Variants in RAPGEF4 observed in about 807,000 individuals in gnomAD.
RAPGEF4 encodes RAP guanine-nucleotide-exchange factor (GEF) 4.
A neutral mutation model predicts 147.9 loss-of-function variants in RAPGEF4; 66 were observed. The observed-to-expected ratio is 0.45, with a 90% CI of 0.37 to 0.55. The LOEUF is 0.55. Among genes scored for constraint, RAPGEF4 ranks in the 20% least tolerant of loss-of-function variants. The pLI is 0.00. For synonymous variants in RAPGEF4, 419 were observed against 442.7 expected (o/e 0.95, Z 0.67); for missense variants, 1,071 against 1,257.3 (o/e 0.85, Z 2.24).
intron 23 of RAPGEF4, among the ~76,000 whole-genome samples, chr2:173,026,153 G>A (rs551117690): frequency 6.6e-6 from 1 of 152,298 alleles, no homozygotes; most frequent in East Asian, 1.9e-4. Flanking sequence ...TAGCACTGTG[G>A]ATGAACGTCC....
chr2:172,902,571 C>G (rs1378918442), intron 4 of RAPGEF4, among the ~76,000 whole-genome samples: 3 of 152,116 alleles, frequency 2.0e-5, no homozygotes, highest in African/African-American at 7.2e-5. Flanking sequence ...TCAGCACTGC[C>G]GTCTCTCATG....
At chr2:172,955,592 A>T (rs891089389) in intron 6 of RAPGEF4, among the ~76,000 whole-genome samples, 2 of 152,130 alleles carry the variant, frequency 1.3e-5, no homozygotes, top group Non-Finnish European at 1.5e-5. Flanking sequence ...TTTTATCAAC[A>T]CATGATTGAT....
At position 172,916,114 on chromosome 2, in the gene RAPGEF4, G is replaced by A. The variant is rs1209548759; in HGVS notation, c.445-1688G>A. Among the ~76,000 whole-genome samples, 5 of 152,172 alleles carry A rather than the reference G, an allele frequency of 3.3e-5. No homozygotes were observed. In the East Asian group the frequency reaches 9.6e-4, roughly 29 times the overall value. ...GTTCCCACTAGCAGCGACCCTGATG[G>A]TGTGCTCCACAAGACAGCAACAGAC... On this transcript the variant is annotated intron_variant, in intron 4 of 30. Transcript: ENST00000397081.
In RAPGEF4 at chr2:172,830,054, G is replaced by A. The variant is rs1256600123; in HGVS notation, c.444+15629G>A. On this transcript the variant is annotated intron_variant, in intron 4 of 30. Transcript: ENST00000397081. ...TATCAGCTTTCATTCTAATTGGATA[G>A]GGGTCTGTTATCTACCAAAAGATTA... Among the ~76,000 whole-genome samples, 4 of 152,108 alleles carry A rather than the reference G, an allele frequency of 2.6e-5. No homozygotes were observed. In the East Asian group the frequency reaches 7.7e-4, roughly 29 times the overall value.
At chr2:173,025,402 G>C (rs1696561644) in intron 23 of RAPGEF4, among the ~76,000 whole-genome samples, 1 of 152,164 alleles carries the variant, frequency 6.6e-6, no homozygotes, top group Admixed American at 6.5e-5. Context: ...GACATGGATA[G>C]TATCTAAATA....
At chr2:172,805,233 C>T (rs760626614) in intron 3 of RAPGEF4, among the ~76,000 whole-genome samples, 3 of 152,142 alleles carry the variant, frequency 2.0e-5, no homozygotes, top group Non-Finnish European at 4.4e-5. Flanking sequence ...ACGGGAGGGA[C>T]GGTGGACTCT....
At chr2:172,996,929 G>A (rs1693426830) in intron 16 of RAPGEF4, among the ~76,000 whole-genome samples, 2 of 152,194 alleles carry the variant, frequency 1.3e-5, no homozygotes, top group Admixed American at 1.3e-4. Flanking sequence ...CCTTGCTCCA[G>A]TTGGGAGTAA....
chr2:173,048,768 C>A, intron 30 of RAPGEF4, 114 bp downstream of exon 30: 4 of 1,517,110 alleles, frequency 2.6e-6, no homozygotes, highest in Non-Finnish European at 3.5e-6. Context: ...GTCAGAGACA[C>A]TTTGGACCAT....
chr2:172,786,042 T>C (rs1685161509), intron 1 of RAPGEF4, among the ~76,000 whole-genome samples: 1 of 152,230 alleles, frequency 6.6e-6, no homozygotes, highest in South Asian at 2.1e-4. Context: ...TTATTGTGTG[T>C]TCTTTCCCAC....
rs533329459 is a variant in RAPGEF4 at position 172,777,265 on chromosome 2, A to G, written c.66-17760A>G. ...GTGTTTCTAGGCAAAATAACAAATA[A>G]AAAAGGTATAAACAGTATATTTATT... On this transcript the variant is annotated intron_variant, in intron 1 of 30. Coordinates refer to ENST00000397081, the MANE Select transcript of RAPGEF4 (RefSeq NM_007023.4). 5.0e-3 allele frequency among the ~76,000 whole-genome samples: 765 copies of G among 151,854 alleles called. 6 individuals carry two copies. Among genetic ancestry groups the G allele is most frequent in the African/African-American group, 0.018 (730 of 41,418 alleles).
At chr2:172,819,700 C>A (rs899181245) in intron 4 of RAPGEF4, among the ~76,000 whole-genome samples, 1 of 151,862 alleles carries the variant, frequency 6.6e-6, no homozygotes, top group African/African-American at 2.4e-5. Context: ...CTCCTGACCT[C>A]GTGATCCGCC....
At chr2:172,888,291 G>A (rs1232794875) in intron 4 of RAPGEF4, among the ~76,000 whole-genome samples, 3 of 152,224 alleles carry the variant, frequency 2.0e-5, no homozygotes, top group Admixed American at 6.5e-5. Flanking sequence ...GAAAAAATCC[G>A]AGGCTGAACA....
chr2:172,884,288 C>T (rs1340394268), intron 4 of RAPGEF4, among the ~76,000 whole-genome samples: 2 of 152,162 alleles, frequency 1.3e-5, no homozygotes, highest in African/African-American at 2.4e-5. Flanking sequence ...CTCATGTTGA[C>T]CTTGGACTGT....
chr2:172,780,868 G>A (rs1041148597), intron 1 of RAPGEF4, among the ~76,000 whole-genome samples: 4 of 152,042 alleles, frequency 2.6e-5, no homozygotes, highest in African/African-American at 9.7e-5. Context: ...TTGTAATTTT[G>A]ATATACACCA....
At chr2:172,968,934 C>T (rs1040616091) in intron 10 of RAPGEF4, among the ~76,000 whole-genome samples, 1 of 152,192 alleles carries the variant, frequency 6.6e-6, no homozygotes, top group South Asian at 2.1e-4. Context: ...GGTCCATCCC[C>T]TTTTTGCTGT....
rs1230611975 is a variant in RAPGEF4, at chr2:173,051,851, C to A, written c.*84C>A. On this transcript the variant is annotated 3_prime_UTR_variant, in exon 31 of 31. Coordinates refer to ENST00000397081, the MANE Select transcript of RAPGEF4 (RefSeq NM_007023.4). Reference sequence around the variant, plus strand: ...ATTTATGCTACTACTGACTGTATTGCCACTAGAGAATTCTACAAAACAAGC... The same window carrying A: ...ATTTATGCTACTACTGACTGTATTGACACTAGAGAATTCTACAAAACAAGC... The A allele has an allele frequency of 2.0e-6, 3 of 1,494,348 alleles. No individual in the cohort carries two copies. The highest frequency in any genetic ancestry group is 2.8e-5 in the African/African-American group (2 of 71,824). 92.6% of individuals were successfully genotyped at this position (1,494,348 alleles called of 1,614,324 possible). A position where few individuals can be genotyped will look rare whatever the true frequency, so the allele number is the denominator to read the frequency against.
chr2:172,865,965 CT>C (rs1694598367), intron 4 of RAPGEF4, among the ~76,000 whole-genome samples: 1 of 152,054 alleles, frequency 6.6e-6, no homozygotes, highest in South Asian at 2.1e-4. Flanking sequence ...CCCGTGACCC[CT>C]TCATCTGTGT....
At chr2:172,940,309 T>C (rs1046628971) in intron 6 of RAPGEF4, among the ~76,000 whole-genome samples, 1 of 152,152 alleles carries the variant, frequency 6.6e-6, no homozygotes, top group African/African-American at 2.4e-5. Flanking sequence ...TTGATATAGT[T>C]TGGATGTTTG....
intron 10 of RAPGEF4, among the ~76,000 whole-genome samples, chr2:172,973,097 CTT>C (rs1183312163): frequency 8.7e-6 from 1 of 114,742 alleles, no homozygotes; most frequent in African/African-American, 2.9e-5. Flanking sequence ...TTTCAAGCCC[CTT>C]TTTTTTTCTT....
Sources: allele counts gnomAD v4.1 joint callset (sites outside exome capture counted in the v4.1 genomes callset), GRCh38; gene constraint gnomAD v4.1.1; transcripts MANE v1.5; gene names NCBI Gene and HGNC (gene_info 2026-07-23, HGNC 2026-07-21).